The following MBLAC2 variants were observed in gnomAD, a reference collection of about 807,000 sequenced individuals.
MBLAC2 encodes metallo-beta-lactamase domain containing 2, also known as acyl-coenzyme A thioesterase MBLAC2.
A neutral mutation model predicts 23.3 loss-of-function variants in MBLAC2; 24 were observed. The ratio of observed to expected loss-of-function variants is 1.03; its 90% CI spans 0.75 to 1.45. The LOEUF (loss-of-function observed/expected upper bound fraction) is 1.45, where lower values mean the gene tolerates loss of function less well. MBLAC2 is among the 40% of genes most tolerant of loss of function. The pLI is 0.00. For missense variants in MBLAC2, 358 were observed against 370.0 expected (o/e 0.97, Z 0.27); for synonymous variants, 162 against 150.9 (o/e 1.07, Z -0.54).
Position 90,474,476 on chromosome 5 carries a change from T to A in MBLAC2, c.-184A>T. ...GAGGAGGAAGGACGCAGACCGACGC[T>A]GCCCGTAGCGTGCGCTCCCGCACCC... On this transcript the variant is annotated 5_prime_UTR_variant, in exon 1 of 2. Transcript: ENST00000316610. The A allele has an allele frequency of 1.6e-6, 1 of 606,706 alleles. No individual in the cohort carries two copies. Among genetic ancestry groups the A allele is most frequent in the Non-Finnish European group, 2.9e-6 (1 of 346,770 alleles). 37.6% of individuals were successfully genotyped at this position (606,706 alleles called of 1,614,324 possible).
At position 90,462,747 on chromosome 5, in the gene MBLAC2, A is replaced by G. The variant is rs1465630403; in HGVS notation, c.455-1195T>C. Among the ~76,000 whole-genome samples, 4 of 152,316 alleles carry G rather than the reference A, an allele frequency of 2.6e-5. 1 individual carries two copies. Among genetic ancestry groups the G allele is most frequent in the Admixed American group, 2.6e-4 (4 of 15,298 alleles). The stretch of plus-strand genomic sequence containing the variant: ...AAAAATACATGAAGCAAAAACAAAC[A>G]AACAATAAACAATTCAACAATGATA... On this transcript the variant is annotated intron_variant, in intron 1 of 1. Transcript: ENST00000316610.
rs1346884175 is a variant in MBLAC2, at chr5:90,458,579, T to G, written c.*2588A>C. On this transcript the variant is annotated 3_prime_UTR_variant, in exon 2 of 2. Transcript: ENST00000316610. Reference sequence around the variant, plus strand: ...TTTGAAAAGCTTTTTAAAGATATGTTATTATTATGCTTTAACATCATTTCA... The same window carrying G: ...TTTGAAAAGCTTTTTAAAGATATGTGATTATTATGCTTTAACATCATTTCA... 1 of 151,630 alleles carries G rather than the reference T, an allele frequency of 6.6e-6. No individual in the cohort carries two copies. The highest frequency in any genetic ancestry group is 6.8e-5 in the Admixed American group (1 of 14,700). The allele number at this position is 151,630 out of a possible 1,614,324, so 9.4% of individuals were successfully genotyped here.
rs1561242742 is a variant in MBLAC2, at chr5:90,474,331, G to GT, written c.-40dup. The GT allele has an allele frequency of 6.3e-7, 1 of 1,578,940 alleles. No homozygotes were observed. Among genetic ancestry groups the GT allele is most frequent in the Non-Finnish European group, 8.7e-7 (1 of 1,153,268 alleles). On this transcript the variant is annotated 5_prime_UTR_variant, in exon 1 of 2. Transcript: ENST00000316610. Reference sequence around the variant, plus strand: ...GCAGCCAGGCGGGGTGAGTGTGGGCGTGCGAGTCTCCCACAGGCTGTCCAC... The same window carrying GT: ...GCAGCCAGGCGGGGTGAGTGTGGGCGTTGCGAGTCTCCCACAGGCTGTCCAC...
At chr5:90,461,889 G>A (rs529625216) in intron 1 of MBLAC2, among the ~76,000 whole-genome samples, 1 of 152,126 alleles carries the variant, frequency 6.6e-6, no homozygotes, top group Non-Finnish European at 1.5e-5. Flanking sequence ...AGACTTCTTT[G>A]AGCTTTTATT....
Position 90,474,213 on chromosome 5 carries a change from C to A in MBLAC2, c.80G>T (p.Gly27Val). The change falls in exon 1 of 2, where the codon GGC becomes GTC. Residue 27 changes from glycine (G) to valine (V), a missense_variant. Gly to Val is a moderately radical substitution (Grantham distance 109, BLOSUM62 -3). Coordinates refer to ENST00000316610, the MANE Select transcript of MBLAC2 (RefSeq NM_203406.2). The stretch of plus-strand genomic sequence containing the variant: ...CACCAGCCAGATGTTGGCACGGTTG[C>A]CCGACTCGTAGAAACGTTCTTGAAT... ...FWIQERFYES[G>V]NRANIWLVRG... is the part of the protein sequence containing the mutation. 1.2e-6 allele frequency: 2 copies of A among 1,612,566 alleles called. No individual in the cohort carries two copies. The highest frequency in any genetic ancestry group is 8.5e-7 in the Non-Finnish European group (1 of 1,179,368).
At position 90,459,771 on chromosome 5, in the gene MBLAC2, G is replaced by T. The variant is rs147301268; in HGVS notation, c.*1396C>A. 3 of 152,626 alleles carry T rather than the reference G, an allele frequency of 2.0e-5. No homozygotes were observed. The highest frequency in any genetic ancestry group is 4.4e-5 in the Non-Finnish European group (3 of 67,994). 9.5% of individuals were successfully genotyped at this position (152,626 alleles called of 1,614,324 possible). The stretch of plus-strand genomic sequence containing the variant: ...GCTGTGTGTGTTTGCATGTGGGATT[G>T]TGTTTGTGTATGTATATGTTTATGT... On this transcript the variant is annotated 3_prime_UTR_variant, in exon 2 of 2. Transcript: ENST00000316610.
At chr5:90,469,639 G>T (rs1217510025) in intron 1 of MBLAC2, among the ~76,000 whole-genome samples, 1 of 152,052 alleles carries the variant, frequency 6.6e-6, no homozygotes, top group Non-Finnish European at 1.5e-5. Context: ...TCATGTTAGA[G>T]AATTTTCTGT....
At position 90,474,544 on chromosome 5, in the gene MBLAC2, G is replaced by A; in HGVS notation, c.-252C>T. 1.9e-6 allele frequency: 1 copy of A among 519,236 alleles called. No homozygotes were observed. Among genetic ancestry groups the A allele is most frequent in the Non-Finnish European group, 3.4e-6 (1 of 292,962 alleles). The allele number at this position is 519,236 out of a possible 1,614,324, so 32.2% of individuals were successfully genotyped here. A position where few individuals can be genotyped will look rare whatever the true frequency, so the allele number is the denominator to read the frequency against. The stretch of plus-strand genomic sequence containing the variant: ...CAAGCAGAGGCTGCGCCACCAGCAC[G>A]GGGGCGCAGGAGCTACCGCAGCCTC... On this transcript the variant is annotated 5_prime_UTR_variant, in exon 1 of 2. Coordinates refer to ENST00000316610, the MANE Select transcript of MBLAC2 (RefSeq NM_203406.2).
Position 90,459,416 on chromosome 5 carries a change from T to C in MBLAC2, c.*1751A>G, listed in dbSNP as rs1293527823. The C allele has an allele frequency of 6.6e-6, 1 of 152,162 alleles. No individual in the cohort carries two copies. Among genetic ancestry groups the C allele is most frequent in the Non-Finnish European group, 1.5e-5 (1 of 67,982 alleles). The allele number at this position is 152,162 out of a possible 1,614,324, so 9.4% of individuals were successfully genotyped here. A position where few individuals can be genotyped will look rare whatever the true frequency, so the allele number is the denominator to read the frequency against. ...TGATGTTTGGAATATACTGGATTCC[T>C]GAAAATTAAATTTATATTTTCACAA... On this transcript the variant is annotated 3_prime_UTR_variant, in exon 2 of 2. Transcript: ENST00000316610.
At chr5:90,464,818 G>C (rs1750422174) in intron 1 of MBLAC2, among the ~76,000 whole-genome samples, 1 of 152,142 alleles carries the variant, frequency 6.6e-6, no homozygotes, top group Non-Finnish European at 1.5e-5. Flanking sequence ...AAAAGCATAT[G>C]ACAAAATCCA....
Position 90,458,917 on chromosome 5 carries a change from A to T in MBLAC2, c.*2250T>A, listed in dbSNP as rs1418786520. ...GTGGTACAATTTGAAAAACTGAAAAAATTGGGAAATTAAAAAATAATAATG... is the reference window on the plus strand; with the variant it reads ...GTGGTACAATTTGAAAAACTGAAAATATTGGGAAATTAAAAAATAATAATG... On this transcript the variant is annotated 3_prime_UTR_variant, in exon 2 of 2. Coordinates refer to ENST00000316610, the MANE Select transcript of MBLAC2 (RefSeq NM_203406.2). 6.6e-6 allele frequency: 1 copy of T among 152,592 alleles called. No homozygotes were observed. Among genetic ancestry groups the T allele is most frequent in the Non-Finnish European group, 1.5e-5 (1 of 68,016 alleles). 9.5% of individuals were successfully genotyped at this position (152,592 alleles called of 1,614,324 possible). A position where few individuals can be genotyped will look rare whatever the true frequency, so the allele number is the denominator to read the frequency against.
At chr5:90,468,213 A>G (rs1418362998) in intron 1 of MBLAC2, among the ~76,000 whole-genome samples, 1 of 151,912 alleles carries the variant, frequency 6.6e-6, no homozygotes, top group Non-Finnish European at 1.5e-5. Context: ...GTGTTCTTTG[A>G]GCTTCTTGTA....
chr5:90,465,773 C>A, intron 1 of MBLAC2, among the ~76,000 whole-genome samples: 1 of 152,084 alleles, frequency 6.6e-6, no homozygotes, highest in East Asian at 1.9e-4. Context: ...CGCTTTGTTG[C>A]CTAGGCTAGT....
At chr5:90,469,110 C>T (rs977461205) in intron 1 of MBLAC2, among the ~76,000 whole-genome samples, 3 of 152,126 alleles carry the variant, frequency 2.0e-5, no homozygotes, top group Non-Finnish European at 4.4e-5. Context: ...GGATTACAGG[C>T]ATGCAACACC....
rs2151891020 is a variant in MBLAC2 at position 90,460,860 on chromosome 5, G to C, written c.*307C>G. 4.5e-6 allele frequency: 1 copy of C among 220,168 alleles called. No homozygotes were observed. Among genetic ancestry groups the C allele is most frequent in the Middle Eastern group, 1.7e-3 (1 of 580 alleles). 13.6% of individuals were successfully genotyped at this position (220,168 alleles called of 1,614,324 possible). Reference sequence around the variant, plus strand: ...AAGGGAATAAAACAAGAAAAACAGAGGCAAGGGCAGTTCTCTTGCCACAAA... The same window carrying C: ...AAGGGAATAAAACAAGAAAAACAGACGCAAGGGCAGTTCTCTTGCCACAAA... On this transcript the variant is annotated 3_prime_UTR_variant, in exon 2 of 2. Transcript: ENST00000316610.
chr5:90,461,579 TAAAC>T (rs1750370858), intron 1 of MBLAC2, 27 bp from the exon 2 acceptor site: 1 of 1,580,770 alleles, frequency 6.3e-7, no homozygotes, highest in Non-Finnish European at 8.6e-7. Context: ...AGTTTACAGA[TAAAC>T]ATGTTGTATA....
intron 1 of MBLAC2, among the ~76,000 whole-genome samples, chr5:90,470,756 G>GCACACACACACACACACA (rs35909248): frequency 9.3e-5 from 13 of 140,540 alleles, no homozygotes; most frequent in African/African-American, 2.2e-4. Flanking sequence ...TAGCGCGCGC[G>GCACACACACACACACACA]CACACACACA....
chr5:90,473,574 G>A, intron 1 of MBLAC2: 1 of 651,780 alleles, frequency 1.5e-6, no homozygotes, highest in Non-Finnish European at 2.7e-6. Flanking sequence ...CAGGAAAGTG[G>A]CTAGGGAGGG....
intron 1 of MBLAC2, among the ~76,000 whole-genome samples, chr5:90,467,929 T>C (rs1362066913): frequency 2.0e-5 from 3 of 152,200 alleles, no homozygotes; most frequent in South Asian, 2.1e-4. Context: ...CAGCATTTGT[T>C]TGTCTAGAAA....
Sources: allele counts gnomAD v4.1 joint callset (sites outside exome capture counted in the v4.1 genomes callset), GRCh38; gene constraint gnomAD v4.1.1; transcripts MANE v1.5; gene names NCBI Gene and HGNC (gene_info 2026-07-23, HGNC 2026-07-21).